The following TFDP2 variants were observed in gnomAD, a reference collection of about 807,000 sequenced individuals.
TFDP2 encodes transcription factor Dp-2.
In TFDP2, 17 loss-of-function variants were observed where a neutral mutation model predicts 59.3. The ratio of observed to expected loss-of-function variants is 0.29; its 90% CI spans 0.20 to 0.43. TFDP2 has a LOEUF of 0.43. TFDP2 is among the 20% of genes least tolerant of loss of function. The pLI, the probability that TFDP2 is intolerant of heterozygous loss-of-function variation, is 1.00. For synonymous variants in TFDP2, 180 were observed against 194.7 expected (o/e 0.92, Z 0.63); for missense variants, 391 against 528.8 (o/e 0.74, Z 2.56).
intron 6 of TFDP2, among the ~76,000 whole-genome samples, chr3:141,984,503 AT>A (rs967101244): frequency 1.3e-5 from 2 of 152,020 alleles, no homozygotes; most frequent in Non-Finnish European, 1.5e-5. Flanking sequence ...CAAAAAAAAA[AT>A]AAAAAGATAT....
intron 3 of TFDP2, among the ~76,000 whole-genome samples, chr3:142,092,050 TACAC>T: frequency 6.6e-6 from 1 of 152,176 alleles, no homozygotes; most frequent in Middle Eastern, 3.4e-3. Flanking sequence ...AAATTTCAAA[TACAC>T]ACAAAAGAGA....
At chr3:142,134,743 CATAG>C (rs1262408355) in intron 1 of TFDP2, among the ~76,000 whole-genome samples, 1 of 152,010 alleles carries the variant, frequency 6.6e-6, no homozygotes, top group African/African-American at 2.4e-5. Context: ...AATATTAACA[CATAG>C]ATAGGTAGAT....
intron 1 of TFDP2, among the ~76,000 whole-genome samples, chr3:142,145,711 C>CTAAATAAATAAATAAATAAA (rs142832325): frequency 2.7e-5 from 4 of 148,048 alleles, no homozygotes; most frequent in Non-Finnish European, 6.0e-5. Flanking sequence ...GACTCTGTCT[C>CTAAATAAATAAATAAATAAA]TAAATAAATA....
At chr3:142,082,741 A>G (rs1441166678) in intron 3 of TFDP2, among the ~76,000 whole-genome samples, 1 of 152,182 alleles carries the variant, frequency 6.6e-6, no homozygotes, top group African/African-American at 2.4e-5. Context: ...AATGTAATAT[A>G]TCATTTCAAT....
At chr3:142,141,217 C>T (rs1395931644) in intron 1 of TFDP2, among the ~76,000 whole-genome samples, 1 of 152,206 alleles carries the variant, frequency 6.6e-6, no homozygotes, top group Non-Finnish European at 1.5e-5. Context: ...TTGCTAAGAC[C>T]ATGGGGAAAG....
intron 3 of TFDP2, among the ~76,000 whole-genome samples, chr3:142,015,870 A>G (rs773234887): frequency 3.9e-5 from 6 of 152,364 alleles, no homozygotes; most frequent in Admixed American, 3.3e-4. Flanking sequence ...TTTCACTTCA[A>G]TTGCTGAAAA....
In TFDP2 at chr3:141,953,014, T is replaced by C. The variant is rs200737084; in HGVS notation, c.1054A>G (p.Ile352Val). The change falls in exon 12 of 13, where the codon ATC (isoleucine) becomes GTC (valine). Residue 352 changes from isoleucine (I) to valine (V), a missense_variant and splice_region_variant. Ile to Val is a conservative substitution (Grantham distance 29). Transcript: ENST00000489671. ...PKALEGYITDISTGPSWLNQG... is the reference protein window; with the variant it reads ...PKALEGYITDVSTGPSWLNQG... ...TTTAACCAAGAAGGTCCTGTGGAGA[T>C]ATCTAAAGGAAAAAATGAGAACAAA... is the stretch of plus-strand genomic sequence containing the variant. 3.0e-4 allele frequency: 488 copies of C among 1,610,362 alleles called. 4 individuals are homozygous for C. The South Asian group carries it at 4.5e-3, about 15-fold the overall frequency.
chr3:142,058,449 G>A (rs1234291080), intron 3 of TFDP2, among the ~76,000 whole-genome samples: 1 of 151,842 alleles, frequency 6.6e-6, no homozygotes, highest in Non-Finnish European at 1.5e-5. Context: ...AGACTAAGAG[G>A]TCAGTCCCAT....
intron 3 of TFDP2, among the ~76,000 whole-genome samples, chr3:142,015,803 A>G (rs557773884): frequency 1.9e-4 from 29 of 152,356 alleles, no homozygotes; most frequent in African/African-American, 6.7e-4. Context: ...TTTTAAAACT[A>G]AAGTAAATGA....
At chr3:141,974,510 C>G (rs1940301943) in intron 7 of TFDP2, among the ~76,000 whole-genome samples, 1 of 151,872 alleles carries the variant, frequency 6.6e-6, no homozygotes, top group African/African-American at 2.4e-5. Context: ...AAGATGGGAG[C>G]TTAGGTATGT....
At chr3:142,022,591 A>G (rs1041582808) in intron 3 of TFDP2, among the ~76,000 whole-genome samples, 1 of 152,176 alleles carries the variant, frequency 6.6e-6, no homozygotes, top group African/African-American at 2.4e-5. Context: ...ACCAACAGCC[A>G]CTGAATGGCT....
At chr3:142,009,948 C>G (rs2108289241) in intron 3 of TFDP2, among the ~76,000 whole-genome samples, 1 of 151,714 alleles carries the variant, frequency 6.6e-6, no homozygotes, top group Non-Finnish European at 1.5e-5. Context: ...AAAATTAAAA[C>G]TTTATAGAAG....
intron 7 of TFDP2, among the ~76,000 whole-genome samples, chr3:141,975,936 A>C (rs1355354696): frequency 6.6e-6 from 1 of 151,896 alleles, no homozygotes; most frequent in Non-Finnish European, 1.5e-5. Flanking sequence ...GCTGGAGTGC[A>C]GTGGTGAGAT....
intron 3 of TFDP2, among the ~76,000 whole-genome samples, chr3:142,075,906 CAAAAAA>C (rs60581045): frequency 2.5e-5 from 2 of 80,722 alleles, no homozygotes; most frequent in Non-Finnish European, 4.7e-5. Flanking sequence ...GAACCTGCCT[CAAAAAA>C]AAAAAAAAAA....
intron 3 of TFDP2, among the ~76,000 whole-genome samples, chr3:142,017,875 G>A (rs1351691562): frequency 6.6e-6 from 1 of 151,706 alleles, no homozygotes; most frequent in Non-Finnish European, 1.5e-5. Flanking sequence ...ATCAGTCTGA[G>A]CGTTGCTTTT....
At chr3:142,061,893 C>T (rs58775196) in intron 3 of TFDP2, among the ~76,000 whole-genome samples, 14 of 37,370 alleles carry the variant, frequency 3.7e-4, no homozygotes, top group African/African-American at 5.4e-4. Context: ...TCTCTCTACA[C>T]ACACACACAC....
At chr3:142,119,421 C>G (rs1051474025) in intron 1 of TFDP2, among the ~76,000 whole-genome samples, 11 of 152,118 alleles carry the variant, frequency 7.2e-5, no homozygotes, top group Admixed American at 7.2e-4. Context: ...ACAGCACTTT[C>G]AAGAAACTTA....
intron 8 of TFDP2, among the ~76,000 whole-genome samples, chr3:141,971,062 AG>A (rs983467602): frequency 2.0e-5 from 3 of 150,756 alleles, no homozygotes; most frequent in African/African-American, 7.4e-5. Flanking sequence ...TGTCTCAAAA[AG>A]AAAAAAAAAA....
At chr3:141,969,757 G>A (rs1389151029) in intron 9 of TFDP2, among the ~76,000 whole-genome samples, 9 of 152,094 alleles carry the variant, frequency 5.9e-5, no homozygotes, top group Admixed American at 4.6e-4. Flanking sequence ...TTCCAAATTC[G>A]GGCTAAAATA....
Sources: gnomAD v4.1 joint callset for allele counts (sites outside exome capture counted in the v4.1 genomes callset) on GRCh38, gnomAD v4.1.1 for gene constraint, MANE v1.5 for transcripts, NCBI Gene and HGNC (gene_info 2026-07-23, HGNC 2026-07-21) for gene names.